NAA35: variants seen among roughly 807,000 people sequenced by gnomAD.
The protein encoded by NAA35 is N-alpha-acetyltransferase 35, NatC auxiliary subunit.
A neutral mutation model predicts 101.7 loss-of-function variants in NAA35; 18 were observed. The observed-to-expected ratio is 0.18, with a 90% CI of 0.12 to 0.26. The LOEUF (loss-of-function observed/expected upper bound fraction) is 0.26. NAA35 is among the 10% of genes least tolerant of loss of function. The probability of loss-of-function intolerance (pLI) is 1.00; values close to 1 mark genes in which losing one functional copy is unlikely to be tolerated. For missense variants in NAA35, 601 were observed against 886.8 expected (o/e 0.68, Z 4.09); for synonymous variants, 267 against 273.1 (o/e 0.98, Z 0.22).
Position 85,958,532 on chromosome 9 carries a change from C to T in NAA35, c.219C>T (p.Gly73=). Residue 73 remains glycine, a synonymous_variant, in exon 4 of 23, where the codon GGC becomes GGT. Coordinates refer to ENST00000361671, the MANE Select transcript of NAA35 (RefSeq NM_024635.4). The part of the protein sequence containing the change: ...IEMMDPKMDA[G]MIGNQVNRKV... The stretch of plus-strand genomic sequence containing the variant: ...TGATGGATCCCAAGATGGATGCTGG[C>T]ATGATTGGAAACCAAGTTAATCGAA... 2 of 1,611,586 alleles carry T rather than the reference C, an allele frequency of 1.2e-6. No individual in the cohort carries two copies. The highest frequency in any genetic ancestry group is 1.7e-6 in the Non-Finnish European group (2 of 1,178,578).
chr9:85,966,977 C>T (rs1219610864), intron 6 of NAA35, among the ~76,000 whole-genome samples: 1 of 152,124 alleles, frequency 6.6e-6, no homozygotes, highest in Non-Finnish European at 1.5e-5. Context: ...CGTAGTGGCA[C>T]ATGCCTGTAG....
chr9:86,004,292 A>G (rs1224915460), intron 13 of NAA35, among the ~76,000 whole-genome samples: 1 of 151,956 alleles, frequency 6.6e-6, no homozygotes, highest in Admixed American at 6.6e-5. Flanking sequence ...TTTGGTAGAG[A>G]CGGGGTTTCA....
rs909301177 is a variant in NAA35, at chr9:85,942,236, A to G, written c.77A>G (p.Asn26Ser). 2.0e-5 allele frequency: 32 copies of G among 1,614,076 alleles called. No homozygotes were observed. Among genetic ancestry groups the G allele is most frequent in the African/African-American group, 2.7e-5 (2 of 74,944 alleles). The change falls in exon 2 of 23, where the codon AAT becomes AGT. Residue 26 changes from asparagine (N) to serine (S), a missense_variant. Asn to Ser is a conservative substitution (Grantham distance 46, BLOSUM62 1). Transcript: ENST00000361671. ...ATGCCAGAAAAAATGGAGAAAAGCA[A>G]TACAAACTGGGTGGACATTACCCAA... ...LSMPEKMEKS[N>S]TNWVDITQDF...
chr9:86,002,961 C>CTG (rs1474289905), intron 12 of NAA35, among the ~76,000 whole-genome samples: 1 of 152,008 alleles, frequency 6.6e-6, no homozygotes, highest in Non-Finnish European at 1.5e-5. Flanking sequence ...TTTCTCATCT[C>CTG]TGTGTGTGGA....
At chr9:85,990,396 CA>C (rs1414365463) in intron 11 of NAA35, among the ~76,000 whole-genome samples, 32 of 152,176 alleles carry the variant, frequency 2.1e-4, no homozygotes, top group African/African-American at 7.5e-4. Flanking sequence ...ACATCCAAAC[CA>C]TAGCAATGAC....
At chr9:86,015,674 A>C in intron 17 of NAA35, 1 of 873,600 alleles carries the variant, frequency 1.1e-6, no homozygotes, top group Non-Finnish European at 1.4e-6. Flanking sequence ...CTTAGACATA[A>C]ATGTATATTA....
At chr9:85,966,504 C>T (rs796248511) in intron 6 of NAA35, 11 of 544,062 alleles carry the variant, frequency 2.0e-5, no homozygotes, top group African/African-American at 2.0e-4. Flanking sequence ...TAAAATTTAG[C>T]TTCACTATAA....
intron 1 of NAA35, chr9:85,941,651 G>A (rs750623567): frequency 1.0e-6 from 1 of 986,466 alleles, no homozygotes. Flanking sequence ...TGCGGTGCCT[G>A]CCGGCTCCTC....
At chr9:85,961,060 A>AT (rs1037566058) in intron 5 of NAA35, among the ~76,000 whole-genome samples, 13 of 151,880 alleles carry the variant, frequency 8.6e-5, no homozygotes, top group African/African-American at 3.1e-4. Flanking sequence ...CAGAGGGAGG[A>AT]TTTTTGCCAA....
chr9:85,952,108 C>T (rs1223680972), intron 2 of NAA35, among the ~76,000 whole-genome samples: 1 of 152,108 alleles, frequency 6.6e-6, no homozygotes, highest in Non-Finnish European at 1.5e-5. Context: ...TTAGATTTTG[C>T]TTGAAAGCTC....
chr9:85,949,056 C>G lies in NAA35; in HGVS notation c.124+6773C>G, dbSNP rs919050767. Among the ~76,000 whole-genome samples the G allele has an allele frequency of 9.2e-5, 14 of 152,212 alleles. No individual in the cohort carries two copies. The East Asian group carries it at 2.5e-3, about 27-fold the overall frequency. Reference sequence around the variant, plus strand: ...ACAGGTGGTAGCCACCATGTCTGACCTTGATACCTTTCATATGTAACTTTT... The same window carrying G: ...ACAGGTGGTAGCCACCATGTCTGACGTTGATACCTTTCATATGTAACTTTT... On this transcript the variant is annotated intron_variant, in intron 2 of 22. Coordinates refer to ENST00000361671, the MANE Select transcript of NAA35 (RefSeq NM_024635.4).
At chr9:85,968,674 A>T (rs776764425) in intron 6 of NAA35, among the ~76,000 whole-genome samples, 1 of 151,898 alleles carries the variant, frequency 6.6e-6, no homozygotes, top group African/African-American at 2.4e-5. Flanking sequence ...ATATATCTGG[A>T]TATAACCTAA....
chr9:86,020,760 G>A (rs1832499017), intron 21 of NAA35, 129 bp from the exon 22 acceptor site: 1 of 572,654 alleles, frequency 1.7e-6, no homozygotes, highest in South Asian at 2.5e-5. Flanking sequence ...GAACCAGGAG[G>A]TTGAGGCTTC....
intron 2 of NAA35, among the ~76,000 whole-genome samples, chr9:85,950,118 A>G (rs117937442): frequency 0.013 from 1,916 of 152,264 alleles, 17 homozygotes; most frequent in Middle Eastern, 0.031. Context: ...ACTCAGTTCT[A>G]TAGGGCTATA....
chr9:85,946,127 TAGTA>T (rs1435132834), intron 2 of NAA35, among the ~76,000 whole-genome samples: 1 of 151,980 alleles, frequency 6.6e-6, no homozygotes, highest in Non-Finnish European at 1.5e-5. Context: ...AAAAAAAAAT[TAGTA>T]AGTTAAATTT....
At position 86,002,082 on chromosome 9, in the gene NAA35, AT is replaced by A. The variant is rs368614741; in HGVS notation, c.1057-1500del. ...ACTGGTGGTAATGAAGTCCCTCAAC[AT>A]TTGCTTATCTGAAAAGGATCTTATT... On this transcript the variant is annotated intron_variant, in intron 12 of 22. Coordinates refer to ENST00000361671, the MANE Select transcript of NAA35 (RefSeq NM_024635.4). Among the ~76,000 whole-genome samples, 190 of 152,194 alleles carry A rather than the reference AT, an allele frequency of 1.2e-3. 4 individuals carry two copies. In the South Asian group the frequency reaches 0.033, roughly 27 times the overall value.
intron 11 of NAA35, among the ~76,000 whole-genome samples, chr9:85,995,729 C>T (rs1194225481): frequency 6.6e-6 from 1 of 152,098 alleles, no homozygotes; most frequent in African/African-American, 2.4e-5. Context: ...GCGATATACT[C>T]CCTCATTTGA....
chr9:85,985,595 G>A (rs1397876552), intron 11 of NAA35, among the ~76,000 whole-genome samples: 1 of 152,118 alleles, frequency 6.6e-6, no homozygotes. Flanking sequence ...AAGAATCATG[G>A]GCAGGTAAGA....
intron 2 of NAA35, among the ~76,000 whole-genome samples, chr9:85,945,661 G>C (rs923537998): frequency 3.3e-5 from 5 of 152,070 alleles, no homozygotes; most frequent in Non-Finnish European, 7.4e-5. Flanking sequence ...TGGGACTACA[G>C]GCGCCCGTCA....
Sources: allele counts gnomAD v4.1 joint callset (sites outside exome capture counted in the v4.1 genomes callset), GRCh38; gene constraint gnomAD v4.1.1; transcripts MANE v1.5; gene names NCBI Gene and HGNC (gene_info 2026-07-23, HGNC 2026-07-21).